Variants in WIPF3 observed in about 807,000 individuals in gnomAD.
The protein encoded by WIPF3 is WAS/WASL-interacting protein family member 3.
WIPF3 carries 33 observed loss-of-function variants against 38.9 expected under a neutral mutation model. The ratio of observed to expected loss-of-function variants is 0.85; its 90% CI spans 0.64 to 1.14. WIPF3 has a LOEUF of 1.14. Ranked by LOEUF, WIPF3 falls within the 50% of genes most tolerant of loss-of-function variation. The pLI, the probability that WIPF3 is intolerant of heterozygous loss-of-function variation, is 0.00. For synonymous variants in WIPF3, 324 were observed against 269.3 expected (o/e 1.20, Z -1.99); for missense variants, 711 against 652.5 (o/e 1.09, Z -0.98).
At chr7:29,877,208 G>A (rs1177666947) in intron 3 of WIPF3, among the ~76,000 whole-genome samples, 1 of 152,218 alleles carries the variant, frequency 6.6e-6, no homozygotes, top group African/African-American at 2.4e-5. Flanking sequence ...AAATCAGAGA[G>A]AGGCTTCTGA....
chr7:29,911,039 A>AT (rs1293821118), intron 8 of WIPF3, among the ~76,000 whole-genome samples: 1 of 152,022 alleles, frequency 6.6e-6, no homozygotes, highest in East Asian at 1.9e-4. Flanking sequence ...CACCAAAAAA[A>AT]AAACTGTTAG....
chr7:29,816,453 G>A (rs1784459810), intron 1 of WIPF3, among the ~76,000 whole-genome samples: 1 of 151,988 alleles, frequency 6.6e-6, no homozygotes, highest in African/African-American at 2.4e-5. Context: ...CTGAGTAGCT[G>A]GGACTACAAG....
intron 1 of WIPF3, among the ~76,000 whole-genome samples, chr7:29,813,895 T>C (rs1784418550): frequency 6.6e-6 from 1 of 151,892 alleles, no homozygotes. Flanking sequence ...AAACGGAATC[T>C]TACAATATGT....
intron 2 of WIPF3, among the ~76,000 whole-genome samples, chr7:29,852,486 G>T (rs1360623847): frequency 6.6e-6 from 1 of 152,206 alleles, no homozygotes; most frequent in Non-Finnish European, 1.5e-5. Context: ...TCAGTGAAAT[G>T]AACTGAAATA....
Position 29,915,647 on chromosome 7 carries a change from T to C in WIPF3, c.*1131T>C, listed in dbSNP as rs979999788. On this transcript the variant is annotated 3_prime_UTR_variant, in exon 9 of 9. Transcript: ENST00000242140. ...GGGAGATGTGTGCAAGCTCAGCCAC[T>C]CTGAATATGGAAAAGGTCAGGCCGG... 2 of 152,232 alleles carry C rather than the reference T, an allele frequency of 1.3e-5. No homozygotes were observed. Among genetic ancestry groups the C allele is most frequent in the Non-Finnish European group, 2.9e-5 (2 of 68,098 alleles). The allele number at this position is 152,232 out of a possible 1,614,324, so 9.4% of individuals were successfully genotyped here.
chr7:29,835,002 C>T (rs941236897), intron 2 of WIPF3, among the ~76,000 whole-genome samples, 188 bp downstream of exon 2: 1 of 152,082 alleles, frequency 6.6e-6, no homozygotes, highest in Non-Finnish European at 1.5e-5. Context: ...TTTCTCTCCC[C>T]CATTCTTCGG....
At chr7:29,883,005 G>GT (rs1178625761) in intron 4 of WIPF3, among the ~76,000 whole-genome samples, 3 of 152,188 alleles carry the variant, frequency 2.0e-5, no homozygotes, top group African/African-American at 7.2e-5. Flanking sequence ...CGAAAAAAGG[G>GT]TGAGAACTGG....
rs1287728345 is a variant in WIPF3, at chr7:29,813,522, A to T, written c.-58+6844A>T. On this transcript the variant is annotated intron_variant, in intron 1 of 8. Coordinates refer to ENST00000242140, the MANE Select transcript of WIPF3 (RefSeq NM_001080529.3). ...CTCAGACATTTCTTTCTGACACTTT[A>T]CTTGTCCGTAACTTATGGCACAATT... 2.6e-5 allele frequency among the ~76,000 whole-genome samples: 4 copies of T among 152,102 alleles called. No individual in the cohort carries two copies. The East Asian group carries it at 7.7e-4, about 29-fold the overall frequency.
At chr7:29,830,192 C>T (rs1015004229) in intron 1 of WIPF3, among the ~76,000 whole-genome samples, 6 of 151,384 alleles carry the variant, frequency 4.0e-5, no homozygotes, top group Non-Finnish European at 8.8e-5. Flanking sequence ...GTGACTTCAG[C>T]GAGGCAGCAT....
In WIPF3 at chr7:29,853,178, C is replaced by A. The variant is rs559039693; in HGVS notation, c.90+18364C>A. ...GCACCCCTGCTGTATCCTGGAGAGA[C>A]TGTGTGGAGCCTGCCTCAAGTCGTT... On this transcript the variant is annotated intron_variant, in intron 2 of 8. Transcript: ENST00000242140. Among the ~76,000 whole-genome samples, 102 of 152,320 alleles carry A rather than the reference C, an allele frequency of 6.7e-4. 1 individual carries two copies. The highest frequency in any genetic ancestry group is 2.4e-3 in the African/African-American group (101 of 41,568).
At chr7:29,894,556 A>G (rs991213237) in intron 7 of WIPF3, among the ~76,000 whole-genome samples, 26 of 152,130 alleles carry the variant, frequency 1.7e-4, no homozygotes, top group African/African-American at 5.8e-4. Context: ...TTTAAATTAT[A>G]TTAGTGTGAA....
intron 2 of WIPF3, among the ~76,000 whole-genome samples, chr7:29,839,601 C>G (rs1352069933): frequency 2.0e-5 from 3 of 152,198 alleles, no homozygotes; most frequent in Non-Finnish European, 4.4e-5. Context: ...GAATGTGGGA[C>G]CTTCTGCAAC....
intron 1 of WIPF3, among the ~76,000 whole-genome samples, chr7:29,808,790 G>C (rs1024479673): frequency 6.6e-6 from 1 of 151,968 alleles, no homozygotes; most frequent in African/African-American, 2.4e-5. Flanking sequence ...GCTCTTTTTA[G>C]GAGACTTATT....
At chr7:29,833,684 A>G (rs964295009) in intron 1 of WIPF3, among the ~76,000 whole-genome samples, 2 of 152,234 alleles carry the variant, frequency 1.3e-5, no homozygotes, top group Non-Finnish European at 2.9e-5. Context: ...TAAAGATGAA[A>G]AAACATAGGG....
chr7:29,904,156 CA>C, intron 7 of WIPF3, 129 bp from the exon 8 acceptor site: 6 of 761,406 alleles, frequency 7.9e-6, no homozygotes, highest in East Asian at 2.7e-5. Context: ...GTGGTGGAAA[CA>C]GACAGTCTAG....
intron 8 of WIPF3, among the ~76,000 whole-genome samples, chr7:29,910,480 C>A (rs1217025377): frequency 6.6e-6 from 1 of 152,098 alleles, no homozygotes; most frequent in African/African-American, 2.4e-5. Flanking sequence ...AAACCGTAGA[C>A]CAATATCCCT....
At chr7:29,817,426 T>C (rs1022639299) in intron 1 of WIPF3, among the ~76,000 whole-genome samples, 2 of 152,108 alleles carry the variant, frequency 1.3e-5, no homozygotes, top group African/African-American at 4.8e-5. Context: ...TCTTTCTGAC[T>C]TGTAGATTTT....
rs1202792140 is a variant in WIPF3, at chr7:29,806,508, A to C, written c.-228A>C. The C allele has an allele frequency of 6.6e-6, 1 of 151,256 alleles. No individual in the cohort carries two copies. Among genetic ancestry groups the C allele is most frequent in the African/African-American group, 2.4e-5 (1 of 41,284 alleles). 9.4% of individuals were successfully genotyped at this position (151,256 alleles called of 1,614,324 possible). ...GGCCCCGCCTCCGCGTCCCGGCAGCACCAGAGCCGGTGGCCGGGGAGCGAG... is the reference window on the plus strand; with the variant it reads ...GGCCCCGCCTCCGCGTCCCGGCAGCCCCAGAGCCGGTGGCCGGGGAGCGAG... On this transcript the variant is annotated 5_prime_UTR_variant, in exon 1 of 9. Transcript: ENST00000242140.
intron 1 of WIPF3, among the ~76,000 whole-genome samples, chr7:29,834,136 C>G (rs1445910759): frequency 6.6e-6 from 1 of 152,108 alleles, no homozygotes; most frequent in Non-Finnish European, 1.5e-5. Flanking sequence ...AAAGTAAGAG[C>G]TGACAGGAGA....
Sources: allele counts gnomAD v4.1 joint callset (sites outside exome capture counted in the v4.1 genomes callset), GRCh38; gene constraint gnomAD v4.1.1; transcripts MANE v1.5; gene names NCBI Gene and HGNC (gene_info 2026-07-23, HGNC 2026-07-21).